Variants in PBLD observed in about 807,000 individuals in gnomAD.
PBLD encodes the protein phenazine biosynthesis-like domain-containing protein.
Under a neutral mutation model 31.3 loss-of-function variants are expected in PBLD, and 26 were observed. The ratio of observed to expected loss-of-function variants is 0.83; its 90% CI spans 0.61 to 1.15. PBLD has a LOEUF of 1.15. Ranked by LOEUF, PBLD falls within the 50% of genes most tolerant of loss-of-function variation. The probability of loss-of-function intolerance (pLI) is 0.00; values close to 1 mark genes in which losing one functional copy is unlikely to be tolerated. For missense variants in PBLD, 307 were observed against 351.7 expected, an observed-to-expected ratio of 0.87 and a Z score of 1.02; for synonymous variants, 114 against 129.0, an observed-to-expected ratio of 0.88 and a Z score of 0.79.
chr10:68,296,453 T>C, intron 3 of PBLD, 89 bp from the exon 4 acceptor site: 1 of 966,354 alleles, frequency 1.0e-6, no homozygotes, highest in Non-Finnish European at 1.6e-6. Context: ...TATATAGTTC[T>C]CTAGCATGAT....
At chr10:68,327,676 A>C (rs2044945783) in intron 1 of PBLD, among the ~76,000 whole-genome samples, 1 of 150,410 alleles carries the variant, frequency 6.6e-6, no homozygotes, top group Non-Finnish European at 1.5e-5. Context: ...TCCACCTCAA[A>C]AAAAAAAAAA....
At chr10:68,328,868 C>T (rs1867568) in intron 1 of PBLD, among the ~76,000 whole-genome samples, 15,584 of 151,698 alleles carry the variant, frequency 0.1, 1,155 homozygotes, top group South Asian at 0.23. Context: ...GACTATGTAG[C>T]GGTTTTGTTT....
chr10:68,305,268 T>TC (rs1445504394), intron 2 of PBLD, among the ~76,000 whole-genome samples: 1 of 75,212 alleles, frequency 1.3e-5, no homozygotes, highest in East Asian at 3.2e-4. Flanking sequence ...TCATCAGTCC[T>TC]CCTTTTTTTT....
intron 3 of PBLD, 24 bp downstream of exon 3, chr10:68,296,862 T>TAAAA: frequency 5.0e-6 from 6 of 1,212,074 alleles, no homozygotes; most frequent in Admixed American, 2.0e-5. Context: ...GAACAGTTCT[T>TAAAA]AAAAAAAAAA....
intron 8 of PBLD, chr10:68,287,504 T>G (rs2044303826): frequency 6.6e-6 from 1 of 152,326 alleles, no homozygotes; most frequent in African/African-American, 2.4e-5. Flanking sequence ...AGAGAGTAAC[T>G]GAGCCATCCA....
At chr10:68,303,223 G>A (rs1212038268) in intron 2 of PBLD, among the ~76,000 whole-genome samples, 1 of 151,790 alleles carries the variant, frequency 6.6e-6, no homozygotes, top group African/African-American at 2.4e-5. Flanking sequence ...ACAGGCATGC[G>A]TCACCACACC....
chr10:68,299,458 G>T (rs1004271584), intron 2 of PBLD, among the ~76,000 whole-genome samples: 1 of 152,008 alleles, frequency 6.6e-6, no homozygotes, highest in Non-Finnish European at 1.5e-5. Flanking sequence ...TCTTGTCTTT[G>T]ATTCAAAATC....
chr10:68,326,604 A>C (rs1369338471), intron 1 of PBLD, among the ~76,000 whole-genome samples: 1 of 152,264 alleles, frequency 6.6e-6, no homozygotes, highest in African/African-American at 2.4e-5. Flanking sequence ...ATTCACTGCT[A>C]TTAAATGAGT....
intron 1 of PBLD, among the ~76,000 whole-genome samples, chr10:68,328,716 T>C (rs950882639): frequency 9.2e-5 from 14 of 152,140 alleles, no homozygotes; most frequent in African/African-American, 3.4e-4. Context: ...AACAATTCTG[T>C]AGGGATCACT....
intron 2 of PBLD, among the ~76,000 whole-genome samples, chr10:68,306,524 T>C (rs2044581076): frequency 6.6e-6 from 1 of 152,224 alleles, no homozygotes; most frequent in Admixed American, 6.5e-5. Context: ...TTTTTTAAAA[T>C]TGGCTCTAGT....
chr10:68,284,178 T>C lies in PBLD; in HGVS notation c.866A>G (p.Ter289TrpextTer18). 1 of 1,612,900 alleles carries C rather than the reference T, an allele frequency of 6.2e-7. No homozygotes were observed. Among genetic ancestry groups the C allele is most frequent in the Non-Finnish European group, 8.5e-7 (1 of 1,178,910 alleles). ...AGCAGCGTCACAGCATAACCACCTC[T>C]AGGCTGTCAGTGTGCCCTCTAAAAC... ...AVVLEGTLTA[*>W] Residue 289 changes from the stop codon to tryptophan (W), a stop_lost, in exon 10 of 10, where the codon TAG (stop) becomes TGG (tryptophan). Coordinates refer to ENST00000358769, the MANE Select transcript of PBLD (RefSeq NM_022129.4).
chr10:68,292,819 A>G (rs939474835), intron 4 of PBLD, among the ~76,000 whole-genome samples: 2 of 152,100 alleles, frequency 1.3e-5, no homozygotes, highest in Non-Finnish European at 2.9e-5. Context: ...CAGCCTCCTT[A>G]AATCTCAGTT....
chr10:68,328,767 G>C (rs1041101661), intron 1 of PBLD, among the ~76,000 whole-genome samples: 8 of 151,928 alleles, frequency 5.3e-5, no homozygotes, highest in African/African-American at 1.7e-4. Context: ...TTATTTACAG[G>C]ATTCAACTTG....
intron 8 of PBLD, 46 bp from the exon 9 acceptor site, chr10:68,285,456 G>A (rs2044274769): frequency 6.4e-7 from 1 of 1,554,098 alleles, no homozygotes; most frequent in Non-Finnish European, 8.7e-7. Flanking sequence ...AGAAAACAGA[G>A]GCGATTTTGT....
chr10:68,322,082 C>T (rs2044843283), intron 1 of PBLD, among the ~76,000 whole-genome samples: 1 of 152,172 alleles, frequency 6.6e-6, no homozygotes, highest in South Asian at 2.1e-4. Flanking sequence ...CAAACACTAC[C>T]TCAGCCAGGT....
At chr10:68,330,359 G>A (rs559960548) in intron 1 of PBLD, among the ~76,000 whole-genome samples, 1 of 152,062 alleles carries the variant, frequency 6.6e-6, no homozygotes, top group Non-Finnish European at 1.5e-5. Flanking sequence ...ATCCTCCTAC[G>A]TTGCTAACAC....
At chr10:68,305,843 T>C (rs1249330282) in intron 2 of PBLD, among the ~76,000 whole-genome samples, 2 of 152,142 alleles carry the variant, frequency 1.3e-5, no homozygotes, top group African/African-American at 4.8e-5. Context: ...ATTTTCAAAG[T>C]TCCTTGGGTG....
intron 1 of PBLD, among the ~76,000 whole-genome samples, chr10:68,310,058 C>T (rs1273232717): frequency 6.7e-6 from 1 of 149,034 alleles, no homozygotes; most frequent in Non-Finnish European, 1.5e-5. Flanking sequence ...ATTGCTTGAA[C>T]CTGGGAGGCT....
intron 1 of PBLD, among the ~76,000 whole-genome samples, chr10:68,332,395 C>T (rs2134605428): frequency 1.3e-5 from 2 of 152,256 alleles, no homozygotes; most frequent in East Asian, 3.9e-4. Flanking sequence ...GGGAGGGCGG[C>T]TTGCCGATGG....
Sources: allele counts gnomAD v4.1 joint callset (sites outside exome capture counted in the v4.1 genomes callset), GRCh38; gene constraint gnomAD v4.1.1; transcripts MANE v1.5; gene names NCBI Gene and HGNC (gene_info 2026-07-23, HGNC 2026-07-21).